MYO6: variants seen among roughly 807,000 people sequenced by gnomAD.
MYO6 encodes myosin VI.
MYO6 carries 74 observed loss-of-function variants against 178.7 expected under a neutral mutation model. The observed-to-expected ratio is 0.41, with a 90% CI of 0.34 to 0.50. MYO6 has a LOEUF of 0.50. MYO6 is among the 20% of genes least tolerant of loss of function. The pLI, the probability that MYO6 is intolerant of heterozygous loss-of-function variation, is 0.09. For synonymous variants in MYO6, 477 were observed against 504.6 expected (o/e 0.95, Z 0.73); for missense variants, 1,330 against 1,547.4 (o/e 0.86, Z 2.36).
intron 1 of MYO6, among the ~76,000 whole-genome samples, chr6:75,805,017 A>ATTTTTTT (rs1321808540): frequency 3.3e-5 from 2 of 60,790 alleles, no homozygotes; most frequent in African/African-American, 2.2e-4. Context: ...ATATATATAT[A>ATTTTTTT]TATATTTTTT....
chr6:75,784,805 A>AAAAAAG (rs1767369690), intron 1 of MYO6, among the ~76,000 whole-genome samples: 1 of 142,248 alleles, frequency 7.0e-6, no homozygotes, highest in African/African-American at 2.6e-5. Context: ...AAAAAAAAAG[A>AAAAAAG]GGGTGGAGCT....
At chr6:75,896,221 T>A (rs953997135) in intron 29 of MYO6, among the ~76,000 whole-genome samples, 2 of 152,198 alleles carry the variant, frequency 1.3e-5, no homozygotes, top group Non-Finnish European at 2.9e-5. Flanking sequence ...AACAATTTTT[T>A]AATAAATGAT....
chr6:75,811,664 A>G (rs1770710125), intron 1 of MYO6, among the ~76,000 whole-genome samples: 2 of 152,150 alleles, frequency 1.3e-5, no homozygotes, highest in African/African-American at 4.8e-5. Context: ...TTTTACACAC[A>G]GTGATTTCAG....
chr6:75,884,637 A>G (rs1001314028), intron 23 of MYO6, among the ~76,000 whole-genome samples: 1 of 152,014 alleles, frequency 6.6e-6, no homozygotes, highest in Admixed American at 6.6e-5. Flanking sequence ...GTCTCTCTGA[A>G]AACTCGGAGA....
At chr6:75,890,311 G>T in intron 26 of MYO6, 46 bp downstream of exon 26, 1 of 1,610,118 alleles carries the variant, frequency 6.2e-7, no homozygotes, top group South Asian at 1.1e-5. Flanking sequence ...AAGAAATAGT[G>T]AATTCTTGGT....
Position 75,873,211 on chromosome 6 carries a change from C to T in MYO6, c.1988C>T (p.Ala663Val). Residue 663 changes from alanine to valine, a missense_variant, in exon 20 of 35, where the codon GCA becomes GTA. Physicochemically the swap from Ala to Val is moderately conservative, Grantham distance 64. Transcript: ENST00000369977. ...AAAGTACCTTTATTTTCCTAGGGAG[C>T]AAGCTTTATTCGTTGCATCAAACCT... Reference protein sequence around the residue: ...LLLDKLRSTGASFIRCIKPNL... With the variant: ...LLLDKLRSTGVSFIRCIKPNL... 6.2e-7 allele frequency: 1 copy of T among 1,613,606 alleles called. No individual in the cohort carries two copies.
chr6:75,894,856 T>A, intron 28 of MYO6: 2 of 1,464,924 alleles, frequency 1.4e-6, no homozygotes, highest in Non-Finnish European at 1.8e-6. Context: ...AATTGTTTTC[T>A]ATGTATGTCA....
chr6:75,860,911 A>T (rs1281807056), intron 14 of MYO6, 112 bp from the exon 15 acceptor site: 2 of 830,978 alleles, frequency 2.4e-6, no homozygotes, highest in East Asian at 2.5e-5. Context: ...AGGCTATACC[A>T]GTTTGTATAA....
At chr6:75,808,493 A>AT (rs1353082918) in intron 1 of MYO6, among the ~76,000 whole-genome samples, 2 of 152,218 alleles carry the variant, frequency 1.3e-5, no homozygotes, top group Non-Finnish European at 2.9e-5. Context: ...ATACAGAGAC[A>AT]TTGAGGGTTA....
At chr6:75,828,744 G>T (rs535496844) in intron 4 of MYO6, 131 bp downstream of exon 4, 129 of 677,744 alleles carry the variant, frequency 1.9e-4, no homozygotes, top group Non-Finnish European at 3.1e-4. Flanking sequence ...TAGAGTGTGA[G>T]GTTAGTGAGG....
chr6:75,765,153 A>G (rs1186494034), intron 1 of MYO6, among the ~76,000 whole-genome samples: 1 of 143,694 alleles, frequency 7.0e-6, no homozygotes, highest in Admixed American at 7.2e-5. Context: ...ATATAAGGCT[A>G]TGACTAAAAA....
chr6:75,832,950 G>A lies in MYO6; in HGVS notation c.497+3G>A. ...GAAAATACAAAATTTGTTCTAAGGT[G>A]AGTATTCAGCTAACTTGAAGTATTT... On this transcript the variant is annotated splice_donor_region_variant and intron_variant, in intron 6 of 34. Coordinates refer to ENST00000369977, the MANE Select transcript of MYO6 (RefSeq NM_004999.4). The A allele has an allele frequency of 6.3e-7, 1 of 1,592,594 alleles. No homozygotes were observed. Among genetic ancestry groups the A allele is most frequent in the African/African-American group, 1.3e-5 (1 of 74,534 alleles).
chr6:75,866,190 T>A (rs985033811), intron 16 of MYO6, among the ~76,000 whole-genome samples: 3 of 151,880 alleles, frequency 2.0e-5, no homozygotes, highest in African/African-American at 7.3e-5. Flanking sequence ...CATGTGCTTT[T>A]AAAAAAAAAT....
At chr6:75,811,940 A>G (rs185837344) in intron 1 of MYO6, among the ~76,000 whole-genome samples, 1 of 152,352 alleles carries the variant, frequency 6.6e-6, no homozygotes, top group Admixed American at 6.5e-5. Context: ...TAAAAATCGA[A>G]GAGGTTAAAT....
At chr6:75,811,367 C>T (rs1770688315) in intron 1 of MYO6, among the ~76,000 whole-genome samples, 1 of 152,120 alleles carries the variant, frequency 6.6e-6, no homozygotes, top group African/African-American at 2.4e-5. Context: ...GCCTCTCAAC[C>T]ATTTGCTTTC....
intron 4 of MYO6, among the ~76,000 whole-genome samples, chr6:75,829,362 T>G (rs1034489692): frequency 7.2e-5 from 11 of 152,134 alleles, no homozygotes; most frequent in African/African-American, 2.7e-4. Context: ...ATTACCCCAC[T>G]GTAGTTCTCC....
intron 1 of MYO6, among the ~76,000 whole-genome samples, chr6:75,758,082 A>G (rs1189395811): frequency 2.0e-5 from 3 of 148,426 alleles, no homozygotes; most frequent in African/African-American, 7.4e-5. Context: ...GGTTCAAGCA[A>G]TTCTCCTGCC....
rs372436540 is a variant in MYO6, at chr6:75,908,637, A to G, written c.3412+10A>G. On this transcript the variant is annotated intron_variant, in intron 32 of 34. Coordinates refer to ENST00000369977, the MANE Select transcript of MYO6 (RefSeq NM_004999.4). ...TCTGTTACTGATTATGGTAAAGAGA[A>G]ATCTGTACTTTTGAACGTTTTAAAA... 2 of 1,612,986 alleles carry G rather than the reference A, an allele frequency of 1.2e-6. No homozygotes were observed. The highest frequency in any genetic ancestry group is 1.7e-6 in the Non-Finnish European group (2 of 1,179,276).
At chr6:75,914,467 T>A (rs1781001478) in intron 34 of MYO6, among the ~76,000 whole-genome samples, 186 bp downstream of exon 34, 1 of 152,198 alleles carries the variant, frequency 6.6e-6, no homozygotes, top group Non-Finnish European at 1.5e-5. Context: ...ATTGCTTGGA[T>A]TAAATTATGT....
Sources: allele counts gnomAD v4.1 joint callset (sites outside exome capture counted in the v4.1 genomes callset), GRCh38; gene constraint gnomAD v4.1.1; transcripts MANE v1.5; gene names NCBI Gene and HGNC (gene_info 2026-07-23, HGNC 2026-07-21).